Variants in CYLD observed in about 807,000 individuals in gnomAD.
The protein encoded by CYLD is CYLD lysine 63 deubiquitinase.
In CYLD, 26 loss-of-function variants were observed where a neutral mutation model predicts 104.5. The observed-to-expected ratio is 0.25, with a 90% confidence interval of 0.18 to 0.35. CYLD has a LOEUF of 0.35. Among genes scored for constraint, CYLD ranks in the 10% least tolerant of loss-of-function variants. The probability of loss-of-function intolerance (pLI) is 1.00; values close to 1 mark genes in which losing one functional copy is unlikely to be tolerated. For synonymous variants in CYLD, 385 were observed against 399.9 expected, an observed-to-expected ratio of 0.96 and a Z score of 0.45; for missense variants, 703 against 1,136.1, an observed-to-expected ratio of 0.62 and a Z score of 5.48.
At position 50,796,183 on chromosome 16, in the gene CYLD, T is replaced by C. The variant is rs1164035447; in HGVS notation, c.2687-141T>C. On this transcript the variant is annotated intron_variant, in intron 18 of 18. Transcript: ENST00000427738. ...GAATATGTCAAGGGTTAAAGGAGGC[T>C]TTCACTTCCAGAAATCAGAAGTAAA... 3 of 774,338 alleles carry C rather than the reference T, an allele frequency of 3.9e-6. No homozygotes were observed. The Admixed American group carries it at 8.0e-5, about 21-fold the overall frequency. The allele number at this position is 774,338 out of a possible 1,614,324, so 48.0% of individuals were successfully genotyped here. A position where few individuals can be genotyped will look rare whatever the true frequency, so the allele number is the denominator to read the frequency against.
At chr16:50,747,530 C>T (rs1567418411) in intron 2 of CYLD, among the ~76,000 whole-genome samples, 1 of 152,128 alleles carries the variant, frequency 6.6e-6, no homozygotes, top group Non-Finnish European at 1.5e-5. Context: ...AAAATAAGGA[C>T]ATTTTCTTGT....
rs1308984430 is a variant in CYLD, at chr16:50,787,319, G to A, written c.2041+373G>A. On this transcript the variant is annotated intron_variant, in intron 13 of 18. Coordinates refer to ENST00000427738, the MANE Select transcript of CYLD (RefSeq NM_001378743.1). ...TGTTGTAAAAGGGAGTTAGAAAGCT[G>A]CTAACTAGGATTAAGTTTATAGTCA... 9.6e-5 allele frequency: 28 copies of A among 292,490 alleles called. No individual in the cohort carries two copies. The East Asian group carries it at 2.3e-3, about 24-fold the overall frequency. The allele number at this position is 292,490 out of a possible 1,614,324, so 18.1% of individuals were successfully genotyped here. A position where few individuals can be genotyped will look rare whatever the true frequency, so the allele number is the denominator to read the frequency against.
At chr16:50,770,754 G>A (rs981666986) in intron 5 of CYLD, among the ~76,000 whole-genome samples, 3 of 152,018 alleles carry the variant, frequency 2.0e-5, no homozygotes, top group Non-Finnish European at 4.4e-5. Context: ...CCCAGCCTTC[G>A]TATATATTCT....
chr16:50,781,493 G>T, intron 10 of CYLD, 82 bp downstream of exon 10: 2 of 1,501,040 alleles, frequency 1.3e-6, no homozygotes, highest in Non-Finnish European at 1.8e-6. Context: ...AGGTGATGGT[G>T]ACAGTGTTTT....
chr16:50,787,080 G>A, intron 13 of CYLD, 134 bp downstream of exon 13: 1 of 719,620 alleles, frequency 1.4e-6, no homozygotes, highest in Non-Finnish European at 2.5e-6. Flanking sequence ...TGTGATATAT[G>A]GTTAGCTCCT....
chr16:50,767,057 G>T (rs551047469), intron 5 of CYLD, among the ~76,000 whole-genome samples: 4 of 152,170 alleles, frequency 2.6e-5, no homozygotes, highest in African/African-American at 4.8e-5. Context: ...ATGCTACAGA[G>T]AAATCTTTTA....
intron 14 of CYLD, among the ~76,000 whole-genome samples, chr16:50,789,660 T>C (rs922474114): frequency 5.3e-5 from 8 of 152,138 alleles, no homozygotes; most frequent in Non-Finnish European, 1.2e-4. Flanking sequence ...CAAGAGTAAT[T>C]CTTCCCCTCC....
At chr16:50,788,370 A>T (rs1380930775) in intron 14 of CYLD, among the ~76,000 whole-genome samples, 1 of 152,222 alleles carries the variant, frequency 6.6e-6, no homozygotes, top group African/African-American at 2.4e-5. Flanking sequence ...TGAACGTTCC[A>T]GGTAGTTTGA....
At chr16:50,746,476 A>G (rs1966206232) in intron 2 of CYLD, among the ~76,000 whole-genome samples, 1 of 152,244 alleles carries the variant, frequency 6.6e-6, no homozygotes. Flanking sequence ...TGTTCTTAAT[A>G]TATTCTTTCT....
chr16:50,753,293 G>C (rs1164320481), intron 4 of CYLD, among the ~76,000 whole-genome samples: 1 of 152,136 alleles, frequency 6.6e-6, no homozygotes, highest in African/African-American at 2.4e-5. Flanking sequence ...TTATTTCAAG[G>C]AGAATTGTGG....
intron 8 of CYLD, among the ~76,000 whole-genome samples, chr16:50,779,426 A>G (rs1179656617): frequency 6.6e-6 from 1 of 152,122 alleles, no homozygotes; most frequent in Non-Finnish European, 1.5e-5. Context: ...ATACCCGCTG[A>G]TAATAGATTT....
chr16:50,755,037 A>G (rs1314669499), intron 5 of CYLD, among the ~76,000 whole-genome samples: 1 of 86,420 alleles, frequency 1.2e-5, no homozygotes, highest in Non-Finnish European at 2.3e-5. Flanking sequence ...ATATATGTAT[A>G]TATACATATA....
At chr16:50,784,533 T>G in intron 12 of CYLD, 82 bp downstream of exon 12, 1 of 1,395,050 alleles carries the variant, frequency 7.2e-7, no homozygotes, top group Non-Finnish European at 1.0e-6. Context: ...ATTTATACCT[T>G]GTCTTCATGT....
At chr16:50,786,633 G>A (rs1230673756) in intron 12 of CYLD, 2 of 471,492 alleles carry the variant, frequency 4.2e-6, no homozygotes, top group African/African-American at 2.0e-5. Context: ...GGTGGTGCAC[G>A]CCTGTAATTC....
chr16:50,796,567 T>G lies in CYLD; in HGVS notation c.*59T>G. ...GCAGAGTCCTAACGTTGCATCTTATTCGAGCTGGCAGTTCTGTTCACGTCC... is the reference window on the plus strand; with the variant it reads ...GCAGAGTCCTAACGTTGCATCTTATGCGAGCTGGCAGTTCTGTTCACGTCC... On this transcript the variant is annotated 3_prime_UTR_variant, in exon 19 of 19. Coordinates refer to ENST00000427738, the MANE Select transcript of CYLD (RefSeq NM_001378743.1). 6.4e-7 allele frequency: 1 copy of G among 1,557,306 alleles called. No homozygotes were observed. Among genetic ancestry groups the G allele is most frequent in the Non-Finnish European group, 8.8e-7 (1 of 1,138,450 alleles).
chr16:50,784,768 A>G, intron 12 of CYLD: 1 of 288,126 alleles, frequency 3.5e-6, no homozygotes, highest in East Asian at 9.2e-5. Flanking sequence ...TTATCTTTTG[A>G]AATAGTTTAT....
intron 5 of CYLD, among the ~76,000 whole-genome samples, chr16:50,772,300 A>G (rs1246975589): frequency 6.6e-6 from 1 of 152,098 alleles, no homozygotes; most frequent in Non-Finnish European, 1.5e-5. Context: ...CTGTGATGTT[A>G]TTTCTTAGGT....
chr16:50,790,575 TG>T (rs968286715), intron 14 of CYLD, among the ~76,000 whole-genome samples: 3 of 152,208 alleles, frequency 2.0e-5, no homozygotes, highest in African/African-American at 7.2e-5. Context: ...TCAGGTTTTT[TG>T]ATTATCATCT....
chr16:50,781,456 A>C, intron 10 of CYLD, 45 bp downstream of exon 10: 1 of 1,599,560 alleles, frequency 6.3e-7, no homozygotes, highest in Non-Finnish European at 8.6e-7. Context: ...GAATGACTCT[A>C]ATTCTAATCT....
Sources: allele counts gnomAD v4.1 joint callset (sites outside exome capture counted in the v4.1 genomes callset), GRCh38; gene constraint gnomAD v4.1.1; transcripts MANE v1.5; gene names NCBI Gene and HGNC (gene_info 2026-07-23, HGNC 2026-07-21).